The following ATXN7L1 variants were observed in gnomAD, a reference collection of about 807,000 sequenced individuals.
ATXN7L1 encodes ataxin-7-like protein 1.
In ATXN7L1, 15 loss-of-function variants were observed where a neutral mutation model predicts 70.8. The ratio of observed to expected loss-of-function variants is 0.21; its 90% CI spans 0.14 to 0.33. The LOEUF (loss-of-function observed/expected upper bound fraction) is 0.33. Among genes scored for constraint, ATXN7L1 ranks in the 10% least tolerant of loss-of-function variants. The pLI is 1.00. For synonymous variants in ATXN7L1, 440 were observed against 445.1 expected (o/e 0.99, Z 0.14); for missense variants, 975 against 1,097.1 (o/e 0.89, Z 1.57).
At chr7:105,679,579 TG>T (rs1805258254) in intron 3 of ATXN7L1, among the ~76,000 whole-genome samples, 1 of 152,184 alleles carries the variant, frequency 6.6e-6, no homozygotes, top group Non-Finnish European at 1.5e-5. Flanking sequence ...TTGGAACTAT[TG>T]ATTTAAGCAG....
chr7:105,653,169 A>G (rs1800116111), intron 4 of ATXN7L1, among the ~76,000 whole-genome samples: 2 of 152,164 alleles, frequency 1.3e-5, no homozygotes, highest in Non-Finnish European at 2.9e-5. Context: ...TATGTTAGCA[A>G]TATCAGGCCG....
intron 3 of ATXN7L1, among the ~76,000 whole-genome samples, chr7:105,772,062 A>AT (rs1802082910): frequency 1.4e-5 from 2 of 140,352 alleles, no homozygotes; most frequent in African/African-American, 5.6e-5. Context: ...ATCAGATTGG[A>AT]ATTTTTTTTT....
At chr7:105,718,673 T>C (rs1388859185) in intron 3 of ATXN7L1, among the ~76,000 whole-genome samples, 2 of 152,210 alleles carry the variant, frequency 1.3e-5, no homozygotes, top group Non-Finnish European at 2.9e-5. Flanking sequence ...TGACAACTGA[T>C]GGAGGCATGG....
intron 3 of ATXN7L1, among the ~76,000 whole-genome samples, chr7:105,669,467 A>T (rs1019320484): frequency 6.6e-6 from 1 of 152,180 alleles, no homozygotes; most frequent in South Asian, 2.1e-4. Flanking sequence ...TGCCCTTAAT[A>T]TAAGTTTTTT....
intron 2 of ATXN7L1, among the ~76,000 whole-genome samples, chr7:105,789,133 T>C (rs1326803491): frequency 1.3e-5 from 2 of 152,242 alleles, no homozygotes; most frequent in Non-Finnish European, 2.9e-5. Flanking sequence ...GGTGTCTGGC[T>C]GGGGACAGAA....
chr7:105,761,315 C>G, intron 3 of ATXN7L1: 1 of 1,609,600 alleles, frequency 6.2e-7, no homozygotes, highest in African/African-American at 1.3e-5. Context: ...GAAGCCGTCT[C>G]CAGACAATGC....
At position 105,641,214 on chromosome 7, in the gene ATXN7L1, C is replaced by CTCTTTTTTTTTTTTTTTTTT. The variant is rs1316374331; in HGVS notation, c.862+1623_862+1624insAAAAAAAAAAAAAAAAAAGA. ...GCCTTTTCTCTCTCTCTCTCTCTCT[C>CTCTTTTTTTTTTTTTTTTTT]TTTTTTTTTTTTTTTTTTTTTTTTT... On this transcript the variant is annotated intron_variant, in intron 5 of 11. Transcript: ENST00000419735. Among the ~76,000 whole-genome samples, 14 of 21,784 alleles carry CTCTTTTTTTTTTTTTTTTTT rather than the reference C, an allele frequency of 6.4e-4. 4 individuals carry two copies. The highest frequency in any genetic ancestry group is 1.1e-3 in the Non-Finnish European group (13 of 11,654). The allele number at this position is 21,784 out of a possible 152,430, so 14.3% of individuals were successfully genotyped here. A position where few individuals can be genotyped will look rare whatever the true frequency, so the allele number is the denominator to read the frequency against.
intron 7 of ATXN7L1, among the ~76,000 whole-genome samples, chr7:105,625,288 T>A (rs1290477418): frequency 6.6e-6 from 1 of 152,256 alleles, no homozygotes; most frequent in Non-Finnish European, 1.5e-5. Flanking sequence ...TCTCACTCTG[T>A]CGCCCAGGCT....
At chr7:105,719,879 G>A (rs1215417643) in intron 3 of ATXN7L1, among the ~76,000 whole-genome samples, 4 of 152,232 alleles carry the variant, frequency 2.6e-5, no homozygotes, top group African/African-American at 9.6e-5. Flanking sequence ...AGCTGTGAAG[G>A]GGCCAGCGAA....
intron 3 of ATXN7L1, among the ~76,000 whole-genome samples, chr7:105,681,418 T>C (rs995904433): frequency 6.6e-6 from 1 of 152,172 alleles, no homozygotes; most frequent in Non-Finnish European, 1.5e-5. Context: ...TTGGTGAGGA[T>C]GTGGGGAAGT....
At chr7:105,638,116 A>G (rs1210862230) in intron 7 of ATXN7L1, among the ~76,000 whole-genome samples, 1 of 152,196 alleles carries the variant, frequency 6.6e-6, no homozygotes, top group Non-Finnish European at 1.5e-5. Context: ...GCTGCTGACA[A>G]TGATGATGAC....
chr7:105,857,140 C>T (rs576622747), intron 2 of ATXN7L1, among the ~76,000 whole-genome samples: 3 of 152,300 alleles, frequency 2.0e-5, no homozygotes, highest in South Asian at 4.1e-4. Context: ...ATCCTAGCTG[C>T]TGTGTTGCCT....
At chr7:105,826,112 T>A (rs1296547577) in intron 2 of ATXN7L1, among the ~76,000 whole-genome samples, 2 of 152,210 alleles carry the variant, frequency 1.3e-5, no homozygotes, top group African/African-American at 4.8e-5. Context: ...TGAAAAGTGG[T>A]TGCCTCTAGG....
chr7:105,614,093 C>T lies in ATXN7L1; in HGVS notation c.2241G>A (p.Val747=). The T allele has an allele frequency of 2.6e-6, 4 of 1,551,690 alleles. No individual in the cohort carries two copies. The highest frequency in any genetic ancestry group is 3.5e-6 in the Non-Finnish European group (4 of 1,146,998). The change falls in exon 10 of 12, where the codon GTG becomes GTA. Residue 747 remains valine (V), a synonymous_variant. Transcript: ENST00000419735. The surrounding 1 kb of genome is among the most constrained non-coding windows in gnomAD (Gnocchi z 4.3). ...GGSSDSCPLS[V]PSLALHAGDL... is the part of the protein sequence containing the mutation. ...CCCCTGCGTGGAGCGCAAGGGAGGG[C>T]ACAGAGAGGGGACAGGAGTCACTGC...
In ATXN7L1 at chr7:105,624,274, G is replaced by C; in HGVS notation, c.1203-7C>G. 7.2e-7 allele frequency: 1 copy of C among 1,393,216 alleles called. No homozygotes were observed. Among genetic ancestry groups the C allele is most frequent in the African/African-American group, 1.5e-5 (1 of 67,812 alleles). The allele number at this position is 1,393,216 out of a possible 1,614,324, so 86.3% of individuals were successfully genotyped here. On this transcript the variant is annotated splice_region_variant and splice_polypyrimidine_tract_variant and intron_variant, in intron 7 of 11. Coordinates refer to ENST00000419735, the MANE Select transcript of ATXN7L1 (RefSeq NM_020725.2). ...GCTATTTGCAGATGATGGTCTAAGGGCAAGAGCGGAGAACAAACAAAATAA... is the reference window on the plus strand; with the variant it reads ...GCTATTTGCAGATGATGGTCTAAGGCCAAGAGCGGAGAACAAACAAAATAA...
rs112307074 is a variant in ATXN7L1, at chr7:105,815,892, C to T, written c.251-27184G>A. 2.6e-3 allele frequency among the ~76,000 whole-genome samples: 392 copies of T among 152,262 alleles called. 3 individuals carry two copies. Among genetic ancestry groups the T allele is most frequent in the African/African-American group, 6.3e-3 (263 of 41,540 alleles). ...GCGTTTGGCAGATGCCACTGGTAGG[C>T]ATTTAGGAGAATGTGCAATGGGCAT... On this transcript the variant is annotated intron_variant, in intron 2 of 11. Transcript: ENST00000419735.
intron 3 of ATXN7L1, among the ~76,000 whole-genome samples, chr7:105,675,469 A>G (rs1804489538): frequency 6.6e-6 from 1 of 152,040 alleles, no homozygotes; most frequent in Non-Finnish European, 1.5e-5. Flanking sequence ...CTAAAAACAC[A>G]GAAAAATTAG....
intron 3 of ATXN7L1, among the ~76,000 whole-genome samples, chr7:105,720,315 C>T (rs1400431628): frequency 2.6e-5 from 4 of 152,068 alleles, no homozygotes; most frequent in African/African-American, 9.7e-5. Flanking sequence ...GGGTGAATTG[C>T]CTGAGGTCAG....
chr7:105,807,630 T>C (rs567754801), intron 2 of ATXN7L1, among the ~76,000 whole-genome samples: 103 of 152,340 alleles, frequency 6.8e-4, no homozygotes, highest in African/African-American at 2.3e-3. Flanking sequence ...TATAAAATAC[T>C]TATGCACTGG....
Sources: gnomAD v4.1 joint callset for allele counts (sites outside exome capture counted in the v4.1 genomes callset) on GRCh38, gnomAD v4.1.1 for gene constraint, Gnocchi (gnomAD v3.1) non-coding constraint, MANE v1.5 for transcripts, NCBI Gene and HGNC (gene_info 2026-07-23, HGNC 2026-07-21) for gene names.